SMARCB1: variants seen among roughly 807,000 people sequenced by gnomAD.
SMARCB1 encodes the protein SWI/SNF related BAF chromatin remodeling complex subunit B1, also known as SWI/SNF-related matrix-associated actin-dependent regulator of chromatin subfamily B member 1.
In SMARCB1, 5 loss-of-function variants were observed where a neutral mutation model predicts 49.0. The ratio of observed to expected loss-of-function variants is 0.10; its 90% CI spans 0.05 to 0.21. The LOEUF is 0.21. SMARCB1 is among the 10% of genes least tolerant of loss of function. The pLI is 1.00. For synonymous variants in SMARCB1, 201 were observed against 200.1 expected, an observed-to-expected ratio of 1.00 and a Z score of -0.04; for missense variants, 226 against 509.2, an observed-to-expected ratio of 0.44 and a Z score of 5.35.
intron 6 of SMARCB1, among the ~76,000 whole-genome samples, chr22:23,820,862 T>C (rs920671116): frequency 6.6e-6 from 1 of 152,170 alleles, no homozygotes; most frequent in Non-Finnish European, 1.5e-5. Context: ...TCTGTGCTTC[T>C]CTTTGTCTTG....
intron 3 of SMARCB1, among the ~76,000 whole-genome samples, chr22:23,799,679 A>ATTTTTTTTTTTTTTTTTTTTTTT (rs71184912): frequency 5.8e-5 from 4 of 68,416 alleles, no homozygotes; most frequent in African/African-American, 1.7e-4. Flanking sequence ...CACCTGGCTA[A>ATTTTTTTTTTTTTTTTTTTTTTT]TTTTTTTTTT....
intron 1 of SMARCB1, among the ~76,000 whole-genome samples, chr22:23,790,350 C>G (rs910390991): frequency 2.0e-5 from 3 of 152,214 alleles, no homozygotes; most frequent in Admixed American, 6.5e-5. Flanking sequence ...GCTCTTCTCT[C>G]AGCGTTCAGT....
Position 23,837,215 on chromosome 22 carries a change from A to T in SMARCB1, c.*3035A>T, listed in dbSNP as rs45493895. The T allele has an allele frequency of 1.9e-6, 3 of 1,581,406 alleles. No individual in the cohort carries two copies. The highest frequency in any genetic ancestry group is 2.6e-6 in the Non-Finnish European group (3 of 1,163,452). Reference sequence around the variant, plus strand: ...ACAGCCCAGAGTCCTAGACCAGCAGAGCCTGCCCCAGGCCCCCATCCACAG... The same window carrying T: ...ACAGCCCAGAGTCCTAGACCAGCAGTGCCTGCCCCAGGCCCCCATCCACAG... On this transcript the variant is annotated 3_prime_UTR_variant, in exon 9 of 9. Coordinates refer to ENST00000644036, the MANE Select transcript of SMARCB1 (RefSeq NM_003073.5).
At chr22:23,791,596 C>T (rs556546063) in intron 1 of SMARCB1, among the ~76,000 whole-genome samples, 160 bp from the exon 2 acceptor site, 1 of 152,326 alleles carries the variant, frequency 6.6e-6, no homozygotes, top group African/African-American at 2.4e-5. Context: ...CTGGTGAACC[C>T]TTCATATCAG....
chr22:23,791,944 G>T, intron 2 of SMARCB1, 50 bp downstream of exon 2: 2 of 1,595,492 alleles, frequency 1.3e-6, no homozygotes, highest in Non-Finnish European at 1.7e-6. Flanking sequence ...ACTCGCTTAT[G>T]TCATGAAGAT....
At chr22:23,802,416 C>T (rs916238767) in intron 4 of SMARCB1, 2 of 152,660 alleles carry the variant, frequency 1.3e-5, no homozygotes, top group African/African-American at 2.4e-5. Flanking sequence ...ATTCCTCCTT[C>T]CCTCCCTCCC....
intron 6 of SMARCB1, chr22:23,823,640 A>C (rs1342420958): frequency 6.6e-6 from 1 of 152,162 alleles, no homozygotes; most frequent in Non-Finnish European, 1.5e-5. Context: ...CTGTGAAGAA[A>C]ATAGGAGAGG....
intron 6 of SMARCB1, among the ~76,000 whole-genome samples, chr22:23,820,964 G>A (rs1269697024): frequency 6.6e-6 from 1 of 152,260 alleles, no homozygotes; most frequent in African/African-American, 2.4e-5. Context: ...GCCTCATGAA[G>A]CCTGACTGGT....
intron 7 of SMARCB1, among the ~76,000 whole-genome samples, chr22:23,826,416 C>A (rs1432952713): frequency 1.0e-4 from 15 of 147,358 alleles, no homozygotes; most frequent in Non-Finnish European, 1.6e-4. Flanking sequence ...CAGAGCGAGA[C>A]CCTGTCTCCA....
intron 5 of SMARCB1, among the ~76,000 whole-genome samples, chr22:23,813,601 A>C (rs542855925): frequency 6.6e-6 from 1 of 152,232 alleles, no homozygotes; most frequent in South Asian, 2.1e-4. Context: ...CTTATATACC[A>C]AAAACTATAA....
chr22:23,833,174 G>A (rs1437244058), intron 7 of SMARCB1, among the ~76,000 whole-genome samples: 1 of 152,132 alleles, frequency 6.6e-6, no homozygotes, highest in Non-Finnish European at 1.5e-5. Context: ...CCTGGCTCTG[G>A]ACACTGAGTG....
chr22:23,808,312 A>G (rs1929643111), intron 5 of SMARCB1, among the ~76,000 whole-genome samples: 1 of 151,988 alleles, frequency 6.6e-6, no homozygotes, highest in Admixed American at 6.6e-5. Flanking sequence ...TAGTAGAGAC[A>G]GGGTTTCACC....
In SMARCB1 at chr22:23,837,002, GT is replaced by G; in HGVS notation, c.*2823del. On this transcript the variant is annotated 3_prime_UTR_variant, in exon 9 of 9. Transcript: ENST00000644036. The stretch of plus-strand genomic sequence containing the variant: ...CCGTGTTGAGCACAGGCCAGCACAG[GT>G]CCCCATCGGTGGGGATCCTTCTGAG... 6.2e-7 allele frequency: 1 copy of G among 1,611,798 alleles called. No homozygotes were observed. Among genetic ancestry groups the G allele is most frequent in the Non-Finnish European group, 8.5e-7 (1 of 1,178,888 alleles).
At chr22:23,819,753 C>CG (rs1568954171) in intron 6 of SMARCB1, among the ~76,000 whole-genome samples, 2 of 44,656 alleles carry the variant, frequency 4.5e-5, no homozygotes, top group Non-Finnish European at 1.0e-4. Flanking sequence ...TCGGTGGCTG[C>CG]ACCTTTTATA....
intron 3 of SMARCB1, among the ~76,000 whole-genome samples, chr22:23,797,052 C>T (rs979066457): frequency 4.1e-5 from 6 of 146,220 alleles, no homozygotes; most frequent in African/African-American, 1.5e-4. Context: ...GGCTGGAGTG[C>T]AGTGGCGCAA....
chr22:23,791,669 C>A (rs1601388244), intron 1 of SMARCB1, 87 bp from the exon 2 acceptor site: 1 of 1,344,324 alleles, frequency 7.4e-7, no homozygotes, highest in African/African-American at 1.4e-5. Context: ...GCCTGTTTGT[C>A]TGTTGCTTGA....
At position 23,806,757 on chromosome 22, in the gene SMARCB1, A is replaced by G. The variant is rs150361151; in HGVS notation, c.628+3335A>G. Reference sequence around the variant, plus strand: ...GCCATCATGGTGAAACCCCCTCTCTACTAAAAATATAAAAATTAGTCGGAT... The same window carrying G: ...GCCATCATGGTGAAACCCCCTCTCTGCTAAAAATATAAAAATTAGTCGGAT... On this transcript the variant is annotated intron_variant, in intron 5 of 8. Coordinates refer to ENST00000644036, the MANE Select transcript of SMARCB1 (RefSeq NM_003073.5). 1.5e-4 allele frequency among the ~76,000 whole-genome samples: 23 copies of G among 152,128 alleles called. No homozygotes were observed. The East Asian group carries it at 4.5e-3, about 29-fold the overall frequency.
rs1285089088 is a variant in SMARCB1 at position 23,816,754 on chromosome 22, CCT to C, written c.629-12_629-11del. ...TGGTGCAATCTCTTGGCATCCCTTC[CCT>C]CTCCTGATTTCAGAGAAGTTGATGA... On this transcript the variant is annotated splice_polypyrimidine_tract_variant and intron_variant, in intron 5 of 8. Transcript: ENST00000644036. 3.7e-6 allele frequency: 6 copies of C among 1,612,086 alleles called. No homozygotes were observed. Among genetic ancestry groups the C allele is most frequent in the Non-Finnish European group, 4.2e-6 (5 of 1,178,990 alleles).
In SMARCB1 at chr22:23,837,783, G is replaced by C. The variant is rs1208882654; in HGVS notation, c.*3603G>C. Reference sequence around the variant, plus strand: ...TGACCCTCACCCGAGGGCTGCGGCGGCTCCACACGTACACCAGCATGGCCA... The same window carrying C: ...TGACCCTCACCCGAGGGCTGCGGCGCCTCCACACGTACACCAGCATGGCCA... On this transcript the variant is annotated 3_prime_UTR_variant, in exon 9 of 9. Transcript: ENST00000644036. The C allele has an allele frequency of 6.2e-7, 1 of 1,613,882 alleles. No homozygotes were observed. The highest frequency in any genetic ancestry group is 1.3e-5 in the African/African-American group (1 of 75,040).
Sources: allele counts gnomAD v4.1 joint callset (sites outside exome capture counted in the v4.1 genomes callset), GRCh38; gene constraint gnomAD v4.1.1; transcripts MANE v1.5; gene names NCBI Gene and HGNC (gene_info 2026-07-23, HGNC 2026-07-21).